The following PLA2G4C variants were observed in gnomAD, a reference collection of about 807,000 sequenced individuals.
PLA2G4C encodes phospholipase A2 group IVC.
In PLA2G4C, 64 loss-of-function variants were observed where a neutral mutation model predicts 73.8. The observed-to-expected ratio is 0.87, with a 90% CI of 0.71 to 1.07. The LOEUF (loss-of-function observed/expected upper bound fraction) is 1.07, where lower values mean the gene tolerates loss of function less well. Ranked by LOEUF, PLA2G4C falls within the 50% of genes least tolerant of loss-of-function variation. PLA2G4C has a pLI of 0.00. For missense variants in PLA2G4C, 622 were observed against 665.4 expected, an observed-to-expected ratio of 0.93 and a Z score of 0.72; for synonymous variants, 254 against 252.1, an observed-to-expected ratio of 1.01 and a Z score of -0.07.
chr19:48,096,386 C>T (rs1282791543), intron 6 of PLA2G4C, among the ~76,000 whole-genome samples: 1 of 151,982 alleles, frequency 6.6e-6, no homozygotes, highest in African/African-American at 2.4e-5. Context: ...AGTTCGAGAC[C>T]AGCCTGATTA....
intron 14 of PLA2G4C, among the ~76,000 whole-genome samples, chr19:48,057,190 C>T (rs1320804624): frequency 1.3e-5 from 2 of 152,084 alleles, no homozygotes. Context: ...GTTGCATAAG[C>T]ATATGACTTC....
At position 48,060,991 on chromosome 19, in the gene PLA2G4C, G is replaced by A. The variant is rs115047199; in HGVS notation, c.1257+1007C>T. 3.2e-3 allele frequency among the ~76,000 whole-genome samples: 484 copies of A among 152,188 alleles called. 5 individuals are homozygous for A. The highest frequency in any genetic ancestry group is 0.011 in the African/African-American group (457 of 41,498). On this transcript the variant is annotated intron_variant, in intron 14 of 16. Transcript: ENST00000599921. ...ATAGATATAGTTATATATTATGTAG[G>A]TGTATATATTTTTTAATAAAATAGC...
chr19:48,053,545 A>G (rs1815650342), intron 15 of PLA2G4C, among the ~76,000 whole-genome samples: 1 of 151,246 alleles, frequency 6.6e-6, no homozygotes, highest in South Asian at 2.1e-4. Flanking sequence ...AATTTTTTGT[A>G]TTTTTTAATA....
At chr19:48,100,521 C>T (rs2031841228) in intron 4 of PLA2G4C, among the ~76,000 whole-genome samples, 2 of 147,126 alleles carry the variant, frequency 1.4e-5, no homozygotes, top group African/African-American at 5.1e-5. Flanking sequence ...AGAGGAATCG[C>T]TTGAACCCGG....
intron 7 of PLA2G4C, 69 bp downstream of exon 7, chr19:48,095,395 C>T (rs1167105278): frequency 3.4e-6 from 5 of 1,488,426 alleles, no homozygotes; most frequent in Non-Finnish European, 4.6e-6. Context: ...ACTAGACCCT[C>T]AGAAGGAAAA....
intron 12 of PLA2G4C, among the ~76,000 whole-genome samples, chr19:48,070,256 A>G (rs777048951): frequency 1.3e-5 from 2 of 152,228 alleles, no homozygotes; most frequent in Non-Finnish European, 2.9e-5. Context: ...ACACTAGCCT[A>G]GATGTGGCTG....
chr19:48,103,818 G>T (rs1012738172), intron 4 of PLA2G4C, among the ~76,000 whole-genome samples: 1 of 152,092 alleles, frequency 6.6e-6, no homozygotes, highest in Non-Finnish European at 1.5e-5. Context: ...TTTGTCCATG[G>T]CTTTGTGTAG....
chr19:48,063,577 C>T (rs1298843378), intron 13 of PLA2G4C, among the ~76,000 whole-genome samples: 1 of 128,780 alleles, frequency 7.8e-6, no homozygotes, highest in Non-Finnish European at 1.6e-5. Context: ...CCCTCCCGTC[C>T]CCCCGCCAAC....
At chr19:48,082,169 C>T (rs1374599566) in intron 10 of PLA2G4C, among the ~76,000 whole-genome samples, 1 of 151,806 alleles carries the variant, frequency 6.6e-6, no homozygotes, top group South Asian at 2.1e-4. Flanking sequence ...TTTACTACTA[C>T]ATAATTCATC....
rs745659875 is a variant in PLA2G4C, at chr19:48,108,195, C to T, written c.-32-1634G>A. On this transcript the variant is annotated intron_variant, in intron 1 of 16. Coordinates refer to ENST00000599921, the MANE Select transcript of PLA2G4C (RefSeq NM_003706.3). Reference sequence around the variant, plus strand: ...CCTGCAGGGCTGGTCCCTACAGTGGCGCAATCATAGCTCACTGCAGCCTCC... The same window carrying T: ...CCTGCAGGGCTGGTCCCTACAGTGGTGCAATCATAGCTCACTGCAGCCTCC... Among the ~76,000 whole-genome samples, 5 of 152,270 alleles carry T rather than the reference C, an allele frequency of 3.3e-5. No individual in the cohort carries two copies. In the East Asian group the frequency reaches 5.8e-4, roughly 18 times the overall value.
chr19:48,099,297 T>C (rs1012455915), intron 5 of PLA2G4C, among the ~76,000 whole-genome samples: 2 of 151,888 alleles, frequency 1.3e-5, no homozygotes, highest in African/African-American at 4.8e-5. Flanking sequence ...AATAAAATAG[T>C]GAATTCAAGA....
At position 48,054,903 on chromosome 19, in the gene PLA2G4C, G is replaced by A. The variant is rs756132909; in HGVS notation, c.1404C>T (p.Pro468=). The change falls in exon 15 of 17, where the codon CCC becomes CCT. Residue 468 remains proline, a synonymous_variant. Transcript: ENST00000599921. ...CTCCACAGGCATCTATGTTGAACAG[G>A]GGAAAATGCATCACCACTGGTCCAG... ...GETGPVVMHF[P]LFNIDACGGD... 1.7e-5 allele frequency: 28 copies of A among 1,614,004 alleles called. No homozygotes were observed. Among genetic ancestry groups the A allele is most frequent in the Non-Finnish European group, 2.1e-5 (25 of 1,180,016 alleles).
At position 48,093,706 on chromosome 19, in the gene PLA2G4C, G is replaced by A. The variant is rs144999126; in HGVS notation, c.709+1758C>T. On this transcript the variant is annotated intron_variant, in intron 7 of 16. Transcript: ENST00000599921. Reference sequence around the variant, plus strand: ...TCTAGAGTAAGACAAACTTGGTCCTGGCTTAGGGTCTGATATGGTTAAGCT... The same window carrying A: ...TCTAGAGTAAGACAAACTTGGTCCTAGCTTAGGGTCTGATATGGTTAAGCT... Among the ~76,000 whole-genome samples, 443 of 152,198 alleles carry A rather than the reference G, an allele frequency of 2.9e-3. 1 individual carries two copies. Among genetic ancestry groups the A allele is most frequent in the African/African-American group, 8.7e-3 (361 of 41,518 alleles).
At position 48,105,392 on chromosome 19, in the gene PLA2G4C, C is replaced by T. The variant is rs11564522; in HGVS notation, c.61G>A (p.Glu21Lys). 1,316 of 1,614,064 alleles carry T rather than the reference C, an allele frequency of 8.2e-4. 11 individuals are homozygous for T. The African/African-American group carries it at 0.015, about 19-fold the overall frequency. ...GLQKEEKAAV[E>K]RRRLHVLKAL... ...TTCAGCACATGAAGTCTTCGTCTCT[C>T]CACGGCCGCCTTTTCTTCTTTCTGG... is the stretch of plus-strand genomic sequence containing the variant. Residue 21 changes from glutamate to lysine, a missense_variant, in exon 3 of 17, where the codon GAG (glutamate) becomes AAG (lysine). By Grantham distance (56) the Glu-to-Lys change is moderately conservative. Coordinates refer to ENST00000599921, the MANE Select transcript of PLA2G4C (RefSeq NM_003706.3).
At chr19:48,068,761 A>C (rs922009057) in intron 12 of PLA2G4C, among the ~76,000 whole-genome samples, 20 of 151,370 alleles carry the variant, frequency 1.3e-4, no homozygotes, top group Non-Finnish European at 2.8e-4. Context: ...AAAAAGGAAG[A>C]CACCAAGAAT....
intron 12 of PLA2G4C, 56 bp downstream of exon 12, chr19:48,074,707 AGGGG>A: frequency 1.8e-6 from 2 of 1,130,260 alleles, no homozygotes; most frequent in Non-Finnish European, 2.7e-6. Flanking sequence ...GAAGAGCAAG[AGGGG>A]GGAGAAGGTT....
intron 13 of PLA2G4C, among the ~76,000 whole-genome samples, chr19:48,063,592 T>G (rs1378454470): frequency 2.6e-5 from 1 of 39,214 alleles, no homozygotes; most frequent in Non-Finnish European, 4.8e-5. Context: ...GCCAACACCC[T>G]CCCCAACTCC....
intron 4 of PLA2G4C, among the ~76,000 whole-genome samples, chr19:48,101,126 A>ATATATTTTT (rs1491313107): frequency 8.1e-4 from 60 of 74,124 alleles, no homozygotes; most frequent in African/African-American, 3.3e-3. Context: ...ATATATATAT[A>ATATATTTTT]TTTTTTTTTT....
chr19:48,091,883 CAAAA>C (rs35118449), intron 7 of PLA2G4C, among the ~76,000 whole-genome samples: 1 of 21,090 alleles, frequency 4.7e-5, no homozygotes, highest in South Asian at 2.0e-3. Context: ...GACTCCATCT[CAAAA>C]AAAAAAAAAA....
Sources: gnomAD v4.1 joint callset for allele counts (sites outside exome capture counted in the v4.1 genomes callset) on GRCh38, gnomAD v4.1.1 for gene constraint, MANE v1.5 for transcripts, NCBI Gene and HGNC (gene_info 2026-07-23, HGNC 2026-07-21) for gene names.